The following GSE1 variants were observed in gnomAD, a reference collection of about 807,000 sequenced individuals.
GSE1 encodes the protein genetic suppressor element 1.
A neutral mutation model predicts 112.6 loss-of-function variants in GSE1; 32 were observed. The ratio of observed to expected loss-of-function variants is 0.28; its 90% CI spans 0.21 to 0.38. The LOEUF (loss-of-function observed/expected upper bound fraction) is 0.38. Ranked by LOEUF, GSE1 falls within the 10% of genes least tolerant of loss-of-function variation. GSE1 has a pLI of 1.00. For missense variants in GSE1, 2,348 were observed against 1,699.2 expected, an observed-to-expected ratio of 1.38 and a Z score of -6.71; for synonymous variants, 1,115 against 735.6, an observed-to-expected ratio of 1.52 and a Z score of -8.35.
At position 85,675,521 on chromosome 16, in the gene GSE1, T is replaced by G. The variant is rs1245926747; in HGVS notation, c.*2982T>G. 6.6e-6 allele frequency: 1 copy of G among 152,232 alleles called. No individual in the cohort carries two copies. The highest frequency in any genetic ancestry group is 1.5e-5 in the Non-Finnish European group (1 of 68,044). 9.4% of individuals were successfully genotyped at this position (152,232 alleles called of 1,614,324 possible). A position where few individuals can be genotyped will look rare whatever the true frequency, so the allele number is the denominator to read the frequency against. ...CACTGAATTGGGACTAACATTCTGA[T>G]AGGTTGCACCCTTAAGAGTATTCAG... is the stretch of plus-strand genomic sequence containing the variant. On this transcript the variant is annotated 3_prime_UTR_variant, in exon 16 of 16. Transcript: ENST00000253458.
At position 85,663,618 on chromosome 16, in the gene GSE1, G is replaced by C; in HGVS notation, c.2644+4G>C. On this transcript the variant is annotated splice_donor_region_variant and intron_variant, in intron 11 of 15. Transcript: ENST00000253458. ...ATCAGCGCTGAGAAGAGGAAAGGTAGGGCCTCGCCTGGGTAGGAAGGTGGG... is the reference window on the plus strand; with the variant it reads ...ATCAGCGCTGAGAAGAGGAAAGGTACGGCCTCGCCTGGGTAGGAAGGTGGG... The C allele has an allele frequency of 6.2e-7, 1 of 1,607,476 alleles. No homozygotes were observed. The highest frequency in any genetic ancestry group is 8.5e-7 in the Non-Finnish European group (1 of 1,176,216).
chr16:85,232,647 G>A lies in GSE1; in HGVS notation c.2283+60840G>A, dbSNP rs146754029. Among the ~76,000 whole-genome samples, 23 of 152,338 alleles carry A rather than the reference G, an allele frequency of 1.5e-4. No individual in the cohort carries two copies. The East Asian group carries it at 4.0e-3, about 27-fold the overall frequency. On this transcript the variant is annotated intron_variant, in intron 1 of 2. Coordinates refer to the GSE1 transcript ENST00000637419. Reference sequence around the variant, plus strand: ...GGAGGAGGTGGCTTCCCCTCCCATCGAGGTGCTCCTTGCTAGGCTCCAGCC... The same window carrying A: ...GGAGGAGGTGGCTTCCCCTCCCATCAAGGTGCTCCTTGCTAGGCTCCAGCC...
chr16:85,608,218 A>T (rs1332499452), upstream of GSE1, among the ~76,000 whole-genome samples: 2 of 151,986 alleles, frequency 1.3e-5, no homozygotes, highest in African/African-American at 4.8e-5. Context: ...TTGCACCTTC[A>T]CCGATGCGTA....
In GSE1 at chr16:85,403,965, C is replaced by T. The variant is rs113606544; in HGVS notation, c.2464+46322C>T. On this transcript the variant is annotated intron_variant, in intron 2 of 2. Transcript: ENST00000637419. ...GACTCTGGCTTCCAGGGCTTGTGGC[C>T]GCTCACTGCAGCCTTCAGGGCAGGC... Among the ~76,000 whole-genome samples, 198 of 152,290 alleles carry T rather than the reference C, an allele frequency of 1.3e-3. 1 individual carries two copies. Among genetic ancestry groups the T allele is most frequent in the African/African-American group, 3.8e-3 (159 of 41,556 alleles).
At chr16:85,556,887 C>G (rs971806406) in intron 1 of GSE1, among the ~76,000 whole-genome samples, 1 of 152,056 alleles carries the variant, frequency 6.6e-6, no homozygotes, top group South Asian at 2.1e-4. Context: ...GGTTTTGTTC[C>G]GCCGAGGTCG....
chr16:85,420,587 C>T (rs2048816716), intron 2 of GSE1, among the ~76,000 whole-genome samples: 1 of 152,182 alleles, frequency 6.6e-6, no homozygotes, highest in Non-Finnish European at 1.5e-5. Context: ...ACCATGCGTC[C>T]TCCAGTGACG....
At chr16:85,282,036 T>C (rs886789675) in intron 1 of GSE1, among the ~76,000 whole-genome samples, 1 of 151,744 alleles carries the variant, frequency 6.6e-6, no homozygotes. Flanking sequence ...CTTTTCTTTT[T>C]TTTTTTTTTG....
intron 1 of GSE1, among the ~76,000 whole-genome samples, chr16:85,307,457 A>G (rs557847504): frequency 3.9e-5 from 6 of 152,318 alleles, no homozygotes; most frequent in Admixed American, 1.3e-4. Flanking sequence ...CTGCACTCAC[A>G]GTTATAGTTT....
chr16:85,532,147 C>T (rs1036066653), intron 2 of GSE1, among the ~76,000 whole-genome samples: 1 of 152,160 alleles, frequency 6.6e-6, no homozygotes, highest in East Asian at 1.9e-4. Context: ...GCTTTTTCAT[C>T]CTCACAACTT....
At chr16:85,203,028 T>G (rs759805784) in intron 1 of GSE1, among the ~76,000 whole-genome samples, 13 of 148,970 alleles carry the variant, frequency 8.7e-5, no homozygotes, top group Non-Finnish European at 1.6e-4. Context: ...ATCTGTGTGT[T>G]CCTGGGGAAT....
intron 1 of GSE1, among the ~76,000 whole-genome samples, chr16:85,245,768 G>T (rs980496335): frequency 1.8e-4 from 27 of 152,222 alleles, no homozygotes; most frequent in African/African-American, 6.0e-4. Context: ...GCACCGCCTG[G>T]GGGGTGCCTT....
intron 1 of GSE1, among the ~76,000 whole-genome samples, chr16:85,302,880 C>T (rs1394110833): frequency 6.6e-6 from 1 of 152,176 alleles, no homozygotes; most frequent in Non-Finnish European, 1.5e-5. Context: ...GCAGCCGAAG[C>T]GCATTCTCCT....
intron 1 of GSE1, among the ~76,000 whole-genome samples, chr16:85,247,827 G>T (rs1417698775): frequency 6.6e-6 from 1 of 152,240 alleles, no homozygotes; most frequent in African/African-American, 2.4e-5. Context: ...AGTGCAGTGG[G>T]GACACCTGAG....
intron 1 of GSE1, among the ~76,000 whole-genome samples, chr16:85,174,756 C>G (rs185319245): frequency 3.3e-5 from 5 of 152,282 alleles, no homozygotes; most frequent in Admixed American, 2.0e-4. Flanking sequence ...GCATGGGCAG[C>G]GAAGGTGACA....
At chr16:85,175,565 T>A (rs1012654335) in intron 1 of GSE1, among the ~76,000 whole-genome samples, 1 of 152,124 alleles carries the variant, frequency 6.6e-6, no homozygotes, top group Non-Finnish European at 1.5e-5. Flanking sequence ...GACGCCCCCT[T>A]CCCCCCGCCC....
At chr16:85,589,436 A>T (rs1471747361) in intron 1 of GSE1, among the ~76,000 whole-genome samples, 1 of 152,054 alleles carries the variant, frequency 6.6e-6, no homozygotes, top group African/African-American at 2.4e-5. Context: ...GCGCGGGTGG[A>T]GCCTGGGCAC....
intron 1 of GSE1, among the ~76,000 whole-genome samples, chr16:85,623,898 C>G (rs1421509235): frequency 6.6e-6 from 1 of 152,230 alleles, no homozygotes; most frequent in Admixed American, 6.5e-5. Flanking sequence ...ACGGCCTGGT[C>G]CCTGTTCTTG....
At chr16:85,230,884 G>A (rs1567625440) in intron 1 of GSE1, among the ~76,000 whole-genome samples, 1 of 149,344 alleles carries the variant, frequency 6.7e-6, no homozygotes, top group African/African-American at 2.5e-5. Flanking sequence ...GACGGACAGA[G>A]GGATGGGTGG....
Position 85,195,567 on chromosome 16 carries a change from CCTT to C in GSE1, c.2283+23766_2283+23768del, listed in dbSNP as rs1396012068. On this transcript the variant is annotated intron_variant, in intron 1 of 2. Transcript: ENST00000637419. Reference sequence around the variant, plus strand: ...CTCTATGCCACATTTGTCAAATCCGCCTTCTTCTGCCCTATATTTCTGACACCA... The same window carrying C: ...CTCTATGCCACATTTGTCAAATCCGCCTTCTGCCCTATATTTCTGACACCA... Among the ~76,000 whole-genome samples, 7 of 152,190 alleles carry C rather than the reference CCTT, an allele frequency of 4.6e-5. No homozygotes were observed. The East Asian group carries it at 9.6e-4, about 21-fold the overall frequency.
Sources: allele counts gnomAD v4.1 joint callset (sites outside exome capture counted in the v4.1 genomes callset), GRCh38; gene constraint gnomAD v4.1.1; transcripts MANE v1.5; gene names NCBI Gene and HGNC (gene_info 2026-07-23, HGNC 2026-07-21).